Variants in NIF3L1 observed in about 807,000 individuals in gnomAD.
NIF3L1 encodes the protein NIF3-like protein 1.
Under a neutral mutation model 35.0 loss-of-function variants are expected in NIF3L1, and 26 were observed. The ratio of observed to expected loss-of-function variants is 0.74; its 90% CI spans 0.54 to 1.03. The LOEUF is 1.03. NIF3L1 is among the 50% of genes least tolerant of loss of function. The probability of loss-of-function intolerance (pLI) is 0.00; values close to 1 mark genes in which losing one functional copy is unlikely to be tolerated. For synonymous variants in NIF3L1, 157 were observed against 178.9 expected (o/e 0.88, Z 0.98); for missense variants, 449 against 466.3 (o/e 0.96, Z 0.34).
intron 3 of NIF3L1, among the ~76,000 whole-genome samples, chr2:200,893,651 C>A (rs1205659846): frequency 6.6e-6 from 1 of 152,150 alleles, no homozygotes; most frequent in African/African-American, 2.4e-5. Context: ...ATTTTACCTA[C>A]AGTATTTCTA....
chr2:200,902,790 C>T (rs1171573774), intron 6 of NIF3L1, among the ~76,000 whole-genome samples: 1 of 152,096 alleles, frequency 6.6e-6, no homozygotes, highest in African/African-American at 2.4e-5. Flanking sequence ...GTCTGCTGGG[C>T]AGTATACATA....
intron 6 of NIF3L1, 25 bp downstream of exon 6, chr2:200,899,493 T>C (rs1340308744): frequency 6.2e-7 from 1 of 1,603,500 alleles, no homozygotes; most frequent in Non-Finnish European, 8.5e-7. Context: ...GGATCTCTCT[T>C]GGTTTATTTT....
At chr2:200,895,761 T>A (rs2040297571) in intron 4 of NIF3L1, among the ~76,000 whole-genome samples, 2 of 152,218 alleles carry the variant, frequency 1.3e-5, no homozygotes, top group Non-Finnish European at 2.9e-5. Context: ...TCTCCTTATT[T>A]TACACGCTCT....
Position 200,895,369 on chromosome 2 carries a change from G to T in NIF3L1, c.705G>T (p.Thr235=). ...LSRNKQLYQK[T]EILSLEKPLL... is the part of the protein sequence containing the mutation. ...GGAACAAACAACTTTATCAGAAGAC[G>T]GAAATTCTGTCACTGGAGAAGGTAA... Residue 235 remains threonine, a synonymous_variant, in exon 4 of 7, where the codon ACG becomes ACT. Coordinates refer to ENST00000409020, the MANE Select transcript of NIF3L1 (RefSeq NM_001369441.2). 1 of 1,613,870 alleles carries T rather than the reference G, an allele frequency of 6.2e-7. No individual in the cohort carries two copies. Among genetic ancestry groups the T allele is most frequent in the East Asian group, 2.2e-5 (1 of 44,848 alleles).
chr2:200,895,504 T>C, intron 4 of NIF3L1, 114 bp downstream of exon 4: 1 of 968,436 alleles, frequency 1.0e-6, no homozygotes, highest in Admixed American at 2.2e-5. Context: ...TATTGAGGTA[T>C]AATTGATATA....
chr2:200,899,223 A>G (rs945191684), intron 5 of NIF3L1, 162 bp from the exon 6 acceptor site: 3 of 476,994 alleles, frequency 6.3e-6, no homozygotes, highest in Non-Finnish European at 1.1e-5. Flanking sequence ...GTTTGCTTAT[A>G]TTAAAACATG....
At chr2:200,896,658 C>T (rs1441565167) in intron 4 of NIF3L1, among the ~76,000 whole-genome samples, 1 of 152,178 alleles carries the variant, frequency 6.6e-6, no homozygotes, top group Non-Finnish European at 1.5e-5. Flanking sequence ...TCTCAGCTCA[C>T]CACAACCTCT....
Position 200,903,566 on chromosome 2 carries a change from A to T in NIF3L1, c.1022A>T (p.Asn341Ile), listed in dbSNP as rs771569005. The T allele has an allele frequency of 2.5e-6, 4 of 1,614,056 alleles. No homozygotes were observed. The highest frequency in any genetic ancestry group is 2.5e-6 in the Non-Finnish European group (3 of 1,179,904). The change falls in exon 7 of 7, where the codon AAC becomes ATC. Residue 341 changes from asparagine (N) to isoleucine (I), a missense_variant. Transcript: ENST00000409020. ...AATGTCATCCTCTGTGAACACAGCA[A>T]CACTGAACGAGGCTTTCTTTCTGAC... ...GINVILCEHS[N>I]TERGFLSDLR...
chr2:200,899,142 G>GA (rs60725782), intron 5 of NIF3L1: 14,339 of 324,412 alleles, frequency 0.044, 1 homozygote, highest in East Asian at 0.094. Context: ...AAAGGTTGTT[G>GA]AAAAAAAAAA....
rs1478505803 is a variant in NIF3L1 at position 200,895,389 on chromosome 2, AG to A, written c.726+1del. 2 of 1,613,930 alleles carry A rather than the reference AG, an allele frequency of 1.2e-6. No homozygotes were observed. The highest frequency in any genetic ancestry group is 3.3e-4 in the Middle Eastern group (2 of 6,058). ...AAGACGGAAATTCTGTCACTGGAGAAGGTAATAAGAATATTTTGTATTTGAT... is the reference window on the plus strand; with the variant it reads ...AAGACGGAAATTCTGTCACTGGAGAAGTAATAAGAATATTTTGTATTTGAT... ...YQKTEILSLE[K>X]PLLLHTGMGR... On this transcript the variant is annotated frameshift_variant and splice_region_variant, in exon 4 of 7. Transcript: ENST00000409020. LOFTEE classifies it high-confidence loss of function.
chr2:200,891,591 G>A (rs1424440728), intron 1 of NIF3L1: 7 of 212,750 alleles, frequency 3.3e-5, no homozygotes, highest in African/African-American at 4.6e-5. Context: ...GTTGAAGCAA[G>A]GGTAGGGAGA....
rs1269134241 is a variant in NIF3L1 at position 200,892,083 on chromosome 2, A to G, written c.140A>G (p.Glu47Gly). The change falls in exon 2 of 7, where the codon GAG becomes GGG. Residue 47 changes from glutamate to glycine, a missense_variant. Transcript: ENST00000409020. ...LNDFASLSFA[E>G]SWDNVGLLVE... ...GACTTTGCATCCCTCTCGTTTGCTG[A>G]GAGTTGGGACAATGTTGGATTACTG... The G allele has an allele frequency of 1.9e-6, 3 of 1,614,056 alleles. No homozygotes were observed. The highest frequency in any genetic ancestry group is 2.5e-6 in the Non-Finnish European group (3 of 1,180,050).
chr2:200,902,425 A>C (rs775689309), intron 6 of NIF3L1, among the ~76,000 whole-genome samples: 5 of 152,054 alleles, frequency 3.3e-5, no homozygotes, highest in Non-Finnish European at 5.9e-5. Flanking sequence ...AAAATTAGCC[A>C]GGCATGGTGG....
At chr2:200,896,969 G>T in intron 4 of NIF3L1, 107 bp from the exon 5 acceptor site, 6 of 1,081,354 alleles carry the variant, frequency 5.5e-6, no homozygotes, top group Non-Finnish European at 8.0e-6. Flanking sequence ...CCCACATTTA[G>T]CCTGGAGCTT....
intron 5 of NIF3L1, 181 bp from the exon 6 acceptor site, chr2:200,899,204 G>A: frequency 2.3e-6 from 1 of 440,012 alleles, no homozygotes; most frequent in East Asian, 3.5e-5. Context: ...CAATATCAAA[G>A]AATGACCTGT....
At chr2:200,892,462 C>T in intron 2 of NIF3L1, 83 bp downstream of exon 2, 1 of 1,090,950 alleles carries the variant, frequency 9.2e-7, no homozygotes, top group Non-Finnish European at 1.3e-6. Context: ...GTTTTAACTG[C>T]TTTAGGGTTG....
chr2:200,895,283 A>C lies in NIF3L1; in HGVS notation c.619A>C (p.Thr207Pro), dbSNP rs756986533. 48 of 1,613,934 alleles carry C rather than the reference A, an allele frequency of 3.0e-5. No individual in the cohort carries two copies. Among genetic ancestry groups the C allele is most frequent in the Non-Finnish European group, 4.0e-5 (47 of 1,179,940 alleles). Residue 207 changes from threonine to proline, a missense_variant, in exon 4 of 7, where the codon ACA becomes CCA. By Grantham distance (38) the Thr-to-Pro change is conservative (BLOSUM62 -1). Transcript: ENST00000409020. ...FSARTGNEEQ[T>P]RINLNCTQKA... is the part of the protein sequence containing the mutation. Reference sequence around the variant, plus strand: ...CCCTAGGACTGGTAATGAGGAACAAACACGGATTAATCTGAATTGTACTCA... The same window carrying C: ...CCCTAGGACTGGTAATGAGGAACAACCACGGATTAATCTGAATTGTACTCA...
rs567390588 is a variant in NIF3L1, at chr2:200,903,547, A to C, written c.1003A>C (p.Ile335Leu). 60 of 1,614,140 alleles carry C rather than the reference A, an allele frequency of 3.7e-5. 2 individuals are homozygous for C. The South Asian group carries it at 6.5e-4, about 17-fold the overall frequency. The change falls in exon 7 of 7, where the codon ATC becomes CTC. Residue 335 changes from isoleucine (I) to leucine (L), a missense_variant. By Grantham distance (5) the Ile-to-Leu change is conservative. Coordinates refer to ENST00000409020, the MANE Select transcript of NIF3L1 (RefSeq NM_001369441.2). ...LDAASQGINV[I>L]LCEHSNTERG... ...TGCTGCTTCCCAAGGAATAAATGTCATCCTCTGTGAACACAGCAACACTGA... is the reference window on the plus strand; with the variant it reads ...TGCTGCTTCCCAAGGAATAAATGTCCTCCTCTGTGAACACAGCAACACTGA...
chr2:200,896,931 A>T (rs1044448128), intron 4 of NIF3L1, 145 bp from the exon 5 acceptor site: 2 of 769,184 alleles, frequency 2.6e-6, no homozygotes, highest in Non-Finnish European at 4.1e-6. Flanking sequence ...GTGAACTCCT[A>T]GAAGAATGAT....
Sources: allele counts gnomAD v4.1 joint callset (sites outside exome capture counted in the v4.1 genomes callset), GRCh38; gene constraint gnomAD v4.1.1; transcripts MANE v1.5; gene names NCBI Gene and HGNC (gene_info 2026-07-23, HGNC 2026-07-21).